KCNJ3: variants seen among roughly 807,000 people sequenced by gnomAD.
The protein encoded by KCNJ3 is potassium inwardly rectifying channel subfamily J member 3, also known as G protein-activated inward rectifier potassium channel 1.
KCNJ3 carries 4 observed loss-of-function variants against 39.2 expected under a neutral mutation model. The observed-to-expected ratio is 0.10, with a 90% confidence interval of 0.05 to 0.23. The LOEUF is 0.23. Among genes scored for constraint, KCNJ3 ranks in the 10% least tolerant of loss-of-function variants. KCNJ3 has a pLI of 1.00. For missense variants in KCNJ3, 276 were observed against 634.9 expected (o/e 0.43, Z 6.08); for synonymous variants, 230 against 237.4 (o/e 0.97, Z 0.29).
At chr2:154,740,775 G>A (rs566092604) in intron 2 of KCNJ3, among the ~76,000 whole-genome samples, 1 of 152,070 alleles carries the variant, frequency 6.6e-6, no homozygotes, top group African/African-American at 2.4e-5. Context: ...TCATTTTAAT[G>A]TGGTACATGA....
chr2:154,811,773 G>A (rs1314086517), intron 2 of KCNJ3, among the ~76,000 whole-genome samples: 1 of 152,152 alleles, frequency 6.6e-6, no homozygotes, highest in Non-Finnish European at 1.5e-5. Flanking sequence ...GCCATCTTAG[G>A]GAAATGGGAT....
intron 2 of KCNJ3, among the ~76,000 whole-genome samples, chr2:154,837,931 A>C (rs774344948): frequency 5.1e-4 from 78 of 152,232 alleles, no homozygotes; most frequent in Non-Finnish European, 1.0e-3. Context: ...CTTTATTGTT[A>C]TAGCACCTTG....
At chr2:154,803,125 C>T (rs936638262) in intron 2 of KCNJ3, among the ~76,000 whole-genome samples, 1 of 151,934 alleles carries the variant, frequency 6.6e-6, no homozygotes, top group Non-Finnish European at 1.5e-5. Flanking sequence ...ACAGTGGGAA[C>T]AAATTTGGAT....
At chr2:154,818,167 G>T (rs917796909) in intron 2 of KCNJ3, among the ~76,000 whole-genome samples, 4 of 151,970 alleles carry the variant, frequency 2.6e-5, no homozygotes, top group Non-Finnish European at 5.9e-5. Flanking sequence ...TATGATAAAA[G>T]TATACTTCAT....
intron 2 of KCNJ3, among the ~76,000 whole-genome samples, chr2:154,810,534 C>T (rs1034890762): frequency 5.3e-5 from 8 of 151,388 alleles, no homozygotes; most frequent in African/African-American, 1.9e-4. Context: ...TAAAATAATA[C>T]TATTATAAGA....
At chr2:154,717,437 A>T (rs1314020716) in intron 2 of KCNJ3, among the ~76,000 whole-genome samples, 1 of 152,172 alleles carries the variant, frequency 6.6e-6, no homozygotes, top group Non-Finnish European at 1.5e-5. Flanking sequence ...CAGCCCAGTT[A>T]TTAAGCTGTT....
At chr2:154,825,545 T>A (rs1253511474) in intron 2 of KCNJ3, among the ~76,000 whole-genome samples, 63 of 24,894 alleles carry the variant, frequency 2.5e-3, no homozygotes, top group African/African-American at 4.1e-3. Context: ...CATGAAATTA[T>A]TTATTTATTT....
chr2:154,830,353 T>C (rs1328717240), intron 2 of KCNJ3, among the ~76,000 whole-genome samples: 1 of 152,170 alleles, frequency 6.6e-6, no homozygotes, highest in Non-Finnish European at 1.5e-5. Context: ...AAAAGTAGCA[T>C]TGAATTATGG....
chr2:154,716,628 T>G (rs951748360), intron 2 of KCNJ3, among the ~76,000 whole-genome samples: 1 of 152,208 alleles, frequency 6.6e-6, no homozygotes, highest in African/African-American at 2.4e-5. Flanking sequence ...AATGTTTTCT[T>G]AATGTGTATG....
chr2:154,823,824 T>A (rs888387188), intron 2 of KCNJ3, among the ~76,000 whole-genome samples: 15 of 152,162 alleles, frequency 9.9e-5, no homozygotes, highest in African/African-American at 3.6e-4. Context: ...GACTGTGATG[T>A]CCATGGAGTC....
In KCNJ3 at chr2:154,855,487, G is replaced by A. The variant is rs1002893650; in HGVS notation, c.*174G>A. 1.6e-5 allele frequency: 9 copies of A among 563,736 alleles called. No homozygotes were observed. Among genetic ancestry groups the A allele is most frequent in the African/African-American group, 1.1e-4 (6 of 53,328 alleles). 34.9% of individuals were successfully genotyped at this position (563,736 alleles called of 1,614,324 possible). A position where few individuals can be genotyped will look rare whatever the true frequency, so the allele number is the denominator to read the frequency against. On this transcript the variant is annotated 3_prime_UTR_variant, in exon 3 of 3. Transcript: ENST00000295101. ...CGAATGTGCAGAAAGCAACAGTTAC[G>A]GAGGGAGGACATCATAAGGAAGTTA...
chr2:154,739,572 C>G (rs1471658050), intron 2 of KCNJ3, among the ~76,000 whole-genome samples: 2 of 151,968 alleles, frequency 1.3e-5, no homozygotes, highest in Non-Finnish European at 2.9e-5. Context: ...TTTCCTACTC[C>G]CCAGAGACTC....
chr2:154,737,314 T>G (rs1685565274), intron 2 of KCNJ3, among the ~76,000 whole-genome samples: 1 of 152,194 alleles, frequency 6.6e-6, no homozygotes, highest in Non-Finnish European at 1.5e-5. Context: ...AAAGTAAGAT[T>G]TGAAAAAGTG....
intron 2 of KCNJ3, among the ~76,000 whole-genome samples, chr2:154,748,808 C>T (rs921959716): frequency 5.3e-5 from 8 of 151,998 alleles, no homozygotes; most frequent in African/African-American, 1.7e-4. Flanking sequence ...AAACACAAAT[C>T]GTTTCACTTG....
intron 2 of KCNJ3, among the ~76,000 whole-genome samples, chr2:154,724,975 C>T (rs1685328726): frequency 1.4e-5 from 2 of 137,952 alleles, no homozygotes; most frequent in Non-Finnish European, 3.0e-5. Flanking sequence ...AAATATTTTA[C>T]TCTGAAGAGA....
chr2:154,761,886 T>C (rs557894435), intron 2 of KCNJ3, among the ~76,000 whole-genome samples: 10 of 152,160 alleles, frequency 6.6e-5, no homozygotes, highest in Non-Finnish European at 1.0e-4. Flanking sequence ...TTACCTTACA[T>C]GGCAAAAGAG....
intron 2 of KCNJ3, among the ~76,000 whole-genome samples, chr2:154,797,583 GAT>G (rs1574466092): frequency 6.6e-6 from 1 of 151,860 alleles, no homozygotes; most frequent in Admixed American, 6.6e-5. Context: ...AAAATAAAAA[GAT>G]ATATGTATGT....
At chr2:154,800,947 C>G (rs1156877166) in intron 2 of KCNJ3, among the ~76,000 whole-genome samples, 2 of 152,180 alleles carry the variant, frequency 1.3e-5, no homozygotes, top group Non-Finnish European at 2.9e-5. Flanking sequence ...GCCTTCCTAT[C>G]CCTATGAGCC....
At chr2:154,732,835 C>A (rs1234555916) in intron 2 of KCNJ3, among the ~76,000 whole-genome samples, 3 of 152,062 alleles carry the variant, frequency 2.0e-5, no homozygotes, top group Non-Finnish European at 4.4e-5. Context: ...ATTTACAGAT[C>A]ACTTGGAAGT....
Sources: allele counts gnomAD v4.1 joint callset (sites outside exome capture counted in the v4.1 genomes callset), GRCh38; gene constraint gnomAD v4.1.1; transcripts MANE v1.5; gene names NCBI Gene and HGNC (gene_info 2026-07-23, HGNC 2026-07-21).